ZNF133: variants seen among roughly 807,000 people sequenced by gnomAD.
ZNF133 encodes zinc finger protein 133 (clone pHZ-13).
Under a neutral mutation model 54.9 loss-of-function variants are expected in ZNF133, and 26 were observed. That is an observed-to-expected ratio of 0.47 (90% CI 0.35 to 0.66). The LOEUF is 0.66. ZNF133 is among the 30% of genes least tolerant of loss of function. The pLI, the probability that ZNF133 is intolerant of heterozygous loss-of-function variation, is 0.01. For missense variants in ZNF133, 653 were observed against 820.8 expected (o/e 0.80, Z 2.50); for synonymous variants, 298 against 320.3 (o/e 0.93, Z 0.74).
chr20:18,305,146 G>A lies in ZNF133; in HGVS notation c.-39G>A. On this transcript the variant is annotated 5_prime_UTR_variant, in exon 4 of 7. Transcript: ENST00000425686. This position sits in a 1 kb window ranked among gnomAD's most constrained non-coding sequence, Gnocchi z 4.7. ...GGTGAGCACTCACAGTCTAAGGCTG[G>A]AAGTTTAATGAACTGTTTTCTACAT... 1.0e-6 allele frequency: 1 copy of A among 987,216 alleles called. No homozygotes were observed. The highest frequency in any genetic ancestry group is 4.7e-5 in the South Asian group (1 of 21,398). The allele number at this position is 987,216 out of a possible 1,614,324, so 61.2% of individuals were successfully genotyped here.
chr20:18,295,638 T>G (rs374028216), intron 1 of ZNF133, among the ~76,000 whole-genome samples: 2 of 152,178 alleles, frequency 1.3e-5, no homozygotes, highest in Non-Finnish European at 2.9e-5. Context: ...ATTAGCTTTT[T>G]GAGCTTGGAA....
chr20:18,310,664 A>T (rs1235549156), intron 6 of ZNF133, among the ~76,000 whole-genome samples: 1 of 152,184 alleles, frequency 6.6e-6, no homozygotes, highest in Non-Finnish European at 1.5e-5. Context: ...TTTCACATAG[A>T]AAGAATAAGT....
At chr20:18,306,200 G>A in intron 5 of ZNF133, 98 bp from the exon 6 acceptor site, 1 of 1,172,754 alleles carries the variant, frequency 8.5e-7, no homozygotes, top group Non-Finnish European at 1.2e-6. Context: ...TCAGGGCTTT[G>A]TACTACCTTT....
chr20:18,300,009 T>C (rs2043045102), intron 3 of ZNF133, among the ~76,000 whole-genome samples: 1 of 152,142 alleles, frequency 6.6e-6, no homozygotes, highest in Non-Finnish European at 1.5e-5. Flanking sequence ...TATAAAAAAA[T>C]TAAGTTCTCC....
Position 18,315,529 on chromosome 20 carries a change from G to A in ZNF133, c.678G>A (p.Met226Ile), listed in dbSNP as rs772871303. 2 of 1,614,220 alleles carry A rather than the reference G, an allele frequency of 1.2e-6. No homozygotes were observed. Among genetic ancestry groups the A allele is most frequent in the Non-Finnish European group, 1.7e-6 (2 of 1,180,046 alleles). The change falls in exon 7 of 7, where the codon ATG becomes ATA. Residue 226 changes from methionine to isoleucine, a missense_variant. By Grantham distance (10) the Met-to-Ile change is conservative. Around this residue, in one of 4 missense-constraint regions of ZNF133, gnomAD observed 292 missense variants for 431.6 expected, o/e 0.68. Transcript: ENST00000425686. Reference protein sequence around the residue: ...CGECGLSFSKMTNLLSHQRIH... With the variant: ...CGECGLSFSKITNLLSHQRIH... ...AGTGTGGACTGAGCTTCAGCAAGATGACAAACCTGCTCAGTCACCAGCGGA... is the reference window on the plus strand; with the variant it reads ...AGTGTGGACTGAGCTTCAGCAAGATAACAAACCTGCTCAGTCACCAGCGGA...
At chr20:18,301,449 G>A (rs2043339867) in intron 3 of ZNF133, among the ~76,000 whole-genome samples, 1 of 151,662 alleles carries the variant, frequency 6.6e-6, no homozygotes, top group Non-Finnish European at 1.5e-5. Flanking sequence ...GAGAATAGAA[G>A]GATAATAGCA....
At chr20:18,314,588 C>T (rs1174097575) in intron 6 of ZNF133, 1 of 153,058 alleles carries the variant, frequency 6.5e-6, no homozygotes, top group East Asian at 1.9e-4. Flanking sequence ...CATGCTCCTC[C>T]CTACACCAGG....
chr20:18,301,565 GA>G (rs1206646700), intron 3 of ZNF133, among the ~76,000 whole-genome samples: 5 of 152,118 alleles, frequency 3.3e-5, no homozygotes, highest in Non-Finnish European at 7.4e-5. Context: ...ACTAAAATCA[GA>G]AATGAAAGTG....
chr20:18,299,362 C>G (rs985835559), intron 3 of ZNF133, among the ~76,000 whole-genome samples: 4 of 152,190 alleles, frequency 2.6e-5, no homozygotes, highest in African/African-American at 9.6e-5. Flanking sequence ...GAAGAATCAG[C>G]AAACCAGGAG....
chr20:18,289,429 C>T lies in ZNF133; in HGVS notation c.-432+825C>T, dbSNP rs964662758. On this transcript the variant is annotated intron_variant, in intron 1 of 6. Coordinates refer to ENST00000425686, the MANE Select transcript of ZNF133 (RefSeq NM_001352452.2). ...ACTCTATAGACCAGATCTCCATCAC[C>T]CAGATTCAACACTTAAAACCTTATG... Among the ~76,000 whole-genome samples, 54 of 152,142 alleles carry T rather than the reference C, an allele frequency of 3.5e-4. 1 individual carries two copies. Among genetic ancestry groups the T allele is most frequent in the Non-Finnish European group, 4.4e-5 (3 of 68,032 alleles).
intron 3 of ZNF133, among the ~76,000 whole-genome samples, chr20:18,301,621 G>C (rs2424151): frequency 0.036 from 5,433 of 152,282 alleles, 297 homozygotes; most frequent in African/African-American, 0.12. Flanking sequence ...GATTGTACAA[G>C]AGAACTATAA....
rs954020339 is a variant in ZNF133, at chr20:18,316,597, G to C, written c.1746G>C (p.Glu582Asp). The C allele has an allele frequency of 1.9e-6, 3 of 1,614,116 alleles. No individual in the cohort carries two copies. The highest frequency in any genetic ancestry group is 1.7e-5 in the Admixed American group (1 of 60,026). Residue 582 changes from glutamate to aspartate, a missense_variant, in exon 7 of 7, where the codon GAG becomes GAC. Glu to Asp is a conservative substitution (Grantham distance 45, BLOSUM62 2). This residue lies in a region of ZNF133 where 129 missense variants were observed against 138.5 expected (regional missense o/e 0.93). Transcript: ENST00000425686. ...AAGAGAAGCCTTGTGTGTGCAGAGA[G>C]TGTGGCCAAGGCTTTCTCCAAAAGT... is the stretch of plus-strand genomic sequence containing the variant. Reference protein sequence around the residue: ...HSEEKPCVCRECGQGFLQKSH... With the variant: ...HSEEKPCVCRDCGQGFLQKSH...
chr20:18,306,149 C>T (rs927294784), intron 5 of ZNF133, 149 bp from the exon 6 acceptor site: 65 of 689,672 alleles, frequency 9.4e-5, no homozygotes, highest in Middle Eastern at 3.3e-4. Flanking sequence ...ACTGCCCACT[C>T]ATCCCTTCCA....
chr20:18,309,616 C>T (rs202025391), intron 6 of ZNF133, among the ~76,000 whole-genome samples: 1 of 152,188 alleles, frequency 6.6e-6, no homozygotes, highest in Admixed American at 6.5e-5. Context: ...GGAGTCTTAG[C>T]CAGAGGCTCA....
At chr20:18,312,347 T>G (rs1233487571) in intron 6 of ZNF133, among the ~76,000 whole-genome samples, 3 of 152,236 alleles carry the variant, frequency 2.0e-5, no homozygotes, top group African/African-American at 7.2e-5. Context: ...TAGTTAAACT[T>G]TCTTTGAGAA....
intron 1 of ZNF133, among the ~76,000 whole-genome samples, chr20:18,293,824 A>T (rs73116208): frequency 0.071 from 10,876 of 152,208 alleles, 445 homozygotes; most frequent in Non-Finnish European, 0.089. Flanking sequence ...AGGATAAGAT[A>T]TAAATCCATA....
intron 6 of ZNF133, among the ~76,000 whole-genome samples, chr20:18,312,002 G>GGTTT (rs2046151945): frequency 6.6e-6 from 1 of 152,030 alleles, no homozygotes; most frequent in Non-Finnish European, 1.5e-5. Flanking sequence ...TCAGATTTTG[G>GGTTT]GTTTGTTTGG....
chr20:18,310,817 ATT>A (rs1233076923), intron 6 of ZNF133, among the ~76,000 whole-genome samples: 2 of 152,240 alleles, frequency 1.3e-5, no homozygotes, highest in African/African-American at 2.4e-5. Flanking sequence ...AATTAGCTCA[ATT>A]TAGCCATGTC....
In ZNF133 at chr20:18,291,336, AC is replaced by A. The variant is rs532869213; in HGVS notation, c.-432+2734del. Among the ~76,000 whole-genome samples, 40 of 152,324 alleles carry A rather than the reference AC, an allele frequency of 2.6e-4. 2 individuals are homozygous for A. The East Asian group carries it at 7.5e-3, about 29-fold the overall frequency. Reference sequence around the variant, plus strand: ...ACCAAAAAATATTCTTGTCAGGGTTACCAATGGTCTCCTTGACTAAAGGCCA... The same window carrying A: ...ACCAAAAAATATTCTTGTCAGGGTTACAATGGTCTCCTTGACTAAAGGCCA... On this transcript the variant is annotated intron_variant, in intron 1 of 6. Transcript: ENST00000425686.
Sources: gnomAD v4.1 joint callset for allele counts (sites outside exome capture counted in the v4.1 genomes callset) on GRCh38, gnomAD v4.1.1 for gene constraint, gnomAD v4.1.1 regional missense constraint, Gnocchi (gnomAD v3.1) non-coding constraint, MANE v1.5 for transcripts, NCBI Gene and HGNC (gene_info 2026-07-23, HGNC 2026-07-21) for gene names.